GBP7: variants seen among roughly 807,000 people sequenced by gnomAD.
The protein encoded by GBP7 is guanylate-binding protein 7.
A neutral mutation model predicts 61.3 loss-of-function variants in GBP7; 43 were observed. That is an observed-to-expected ratio of 0.70 (90% CI 0.55 to 0.91). The LOEUF is 0.91. Ranked by LOEUF, GBP7 falls within the 40% of genes least tolerant of loss-of-function variation. The probability of loss-of-function intolerance (pLI) is 0.00; values close to 1 mark genes in which losing one functional copy is unlikely to be tolerated. For missense variants in GBP7, 717 were observed against 740.5 expected (o/e 0.97, Z 0.37); for synonymous variants, 267 against 271.0 (o/e 0.99, Z 0.14).
rs530178959 is a variant in GBP7 at position 89,141,205 on chromosome 1, G to GA, written c.1468+340dup. ...CCCTCTGGACCTAAAATAAAAGTTG[G>GA]AAAGAAAAAAAAAAAAAGAAAGTAA... On this transcript the variant is annotated intron_variant, in intron 9 of 10. Transcript: ENST00000294671. Among the ~76,000 whole-genome samples the GA allele has an allele frequency of 5.2e-3, 680 of 130,612 alleles. 7 individuals are homozygous for GA. The highest frequency in any genetic ancestry group is 0.035 in the South Asian group (146 of 4,126). The allele number at this position is 130,612 out of a possible 152,430, so 85.7% of individuals were successfully genotyped here.
intron 3 of GBP7, among the ~76,000 whole-genome samples, chr1:89,160,233 G>A (rs922050229): frequency 2.0e-5 from 3 of 152,104 alleles, no homozygotes; most frequent in South Asian, 2.1e-4. Context: ...AGTGTGGAGG[G>A]ATAGCATTAG....
intron 3 of GBP7, among the ~76,000 whole-genome samples, chr1:89,156,094 A>G (rs996390975): frequency 6.6e-6 from 1 of 152,208 alleles, no homozygotes; most frequent in African/African-American, 2.4e-5. Context: ...TTTCATATCC[A>G]GCCAAACTAA....
In GBP7 at chr1:89,154,690, G is replaced by C. The variant is rs1251150106; in HGVS notation, c.319-1913C>G. ...TTTTTAACTTTAAATTTAAGTTCAGGCTTACCCCCAAACTAAATAAAATAA... is the reference window on the plus strand; with the variant it reads ...TTTTTAACTTTAAATTTAAGTTCAGCCTTACCCCCAAACTAAATAAAATAA... On this transcript the variant is annotated intron_variant, in intron 3 of 10. Transcript: ENST00000294671. Among the ~76,000 whole-genome samples, 5 of 149,034 alleles carry C rather than the reference G, an allele frequency of 3.4e-5. No individual in the cohort carries two copies. The South Asian group carries it at 8.5e-4, about 25-fold the overall frequency.
intron 10 of GBP7, 77 bp downstream of exon 10, chr1:89,133,181 G>T: frequency 3.9e-6 from 4 of 1,029,278 alleles, no homozygotes; most frequent in Non-Finnish European, 4.4e-6. Flanking sequence ...TCTTGACTGA[G>T]CTTAAAATTT....
intron 5 of GBP7, among the ~76,000 whole-genome samples, chr1:89,151,681 T>C (rs1682203190): frequency 6.6e-6 from 1 of 152,116 alleles, no homozygotes; most frequent in Non-Finnish European, 1.5e-5. Flanking sequence ...ATGAAGTAGG[T>C]GATGTTATGA....
Position 89,152,415 on chromosome 1 carries a change from G to A in GBP7, c.478C>T (p.Pro160Ser), listed in dbSNP as rs756373704. 8 of 1,614,146 alleles carry A rather than the reference G, an allele frequency of 5.0e-6. No individual in the cohort carries two copies. The highest frequency in any genetic ancestry group is 1.7e-5 in the Admixed American group (1 of 60,030). Residue 160 changes from proline to serine, a missense_variant, in exon 5 of 11, where the codon CCT (proline) becomes TCT (serine). Transcript: ENST00000294671. ...TCGCTGGAGTCCTCAACTTCATCAGGTCTGGGGCACGATTTTGCCCTGATT... is the reference window on the plus strand; with the variant it reads ...TCGCTGGAGTCCTCAACTTCATCAGATCTGGGGCACGATTTTGCCCTGATT... ...ELIRAKSCPR[P>S]DEVEDSSEFV...
intron 9 of GBP7, among the ~76,000 whole-genome samples, chr1:89,135,638 A>G (rs1308797124): frequency 6.6e-6 from 1 of 152,212 alleles, no homozygotes; most frequent in African/African-American, 2.4e-5. Flanking sequence ...TAGACAAGCA[A>G]ATGCTAAGGG....
chr1:89,138,500 A>G (rs370045465), intron 9 of GBP7, among the ~76,000 whole-genome samples: 1 of 152,152 alleles, frequency 6.6e-6, no homozygotes, highest in East Asian at 1.9e-4. Context: ...CAAATGGAAA[A>G]GTTTAAAGAA....
intron 3 of GBP7, among the ~76,000 whole-genome samples, chr1:89,159,701 G>T (rs908665471): frequency 6.6e-6 from 1 of 152,152 alleles, no homozygotes; most frequent in Non-Finnish European, 1.5e-5. Flanking sequence ...TCATTAAAAA[G>T]TCAGGAAACA....
chr1:89,163,627 A>AT (rs1647337694), intron 3 of GBP7, among the ~76,000 whole-genome samples: 1 of 151,692 alleles, frequency 6.6e-6, no homozygotes, highest in Non-Finnish European at 1.5e-5. Flanking sequence ...GACTAATCCT[A>AT]TTTTCAATTT....
At chr1:89,133,859 G>A (rs1039137018) in intron 9 of GBP7, among the ~76,000 whole-genome samples, 1 of 152,194 alleles carries the variant, frequency 6.6e-6, no homozygotes, top group African/African-American at 2.4e-5. Flanking sequence ...GGTAGGGACA[G>A]GACTCTGGCC....
chr1:89,146,747 A>G (rs1213656603), intron 8 of GBP7, among the ~76,000 whole-genome samples: 1 of 152,206 alleles, frequency 6.6e-6, no homozygotes, highest in Non-Finnish European at 1.5e-5. Context: ...ATGAGATATC[A>G]CCTCACACAG....
chr1:89,168,950 C>G (rs1647520859), intron 2 of GBP7, among the ~76,000 whole-genome samples: 1 of 148,890 alleles, frequency 6.7e-6, no homozygotes, highest in Non-Finnish European at 1.5e-5. Context: ...GCCTGGGCAA[C>G]AAGAGCGAAA....
In GBP7 at chr1:89,152,780, AGTGTT is replaced by A; in HGVS notation, c.319-8_319-4del. 1 of 1,382,212 alleles carries A rather than the reference AGTGTT, an allele frequency of 7.2e-7. No individual in the cohort carries two copies. The highest frequency in any genetic ancestry group is 2.2e-5 in the Admixed American group (1 of 46,002). The allele number at this position is 1,382,212 out of a possible 1,614,324, so 85.6% of individuals were successfully genotyped here. A position where few individuals can be genotyped will look rare whatever the true frequency, so the allele number is the denominator to read the frequency against. ...CACGAGTCACTCTTAGGGTCACTCT[AGTGTT>A]AAAGAAAAAAAAAAAAAAAATGGAA... On this transcript the variant is annotated splice_polypyrimidine_tract_variant and splice_region_variant and intron_variant, in intron 3 of 10. Transcript: ENST00000294671.
In GBP7 at chr1:89,160,304, T is replaced by C. The variant is rs146567633; in HGVS notation, c.318+4427A>G. ...GCAGCACACCAACATGGCACGTGTG[T>C]ACATATGTAACAAAGCTGCACATTG... On this transcript the variant is annotated intron_variant, in intron 3 of 10. Transcript: ENST00000294671. 6.8e-4 allele frequency among the ~76,000 whole-genome samples: 103 copies of C among 152,278 alleles called. 1 individual carries two copies. The highest frequency in any genetic ancestry group is 1.4e-3 in the Non-Finnish European group (92 of 68,000).
intron 2 of GBP7, among the ~76,000 whole-genome samples, chr1:89,167,038 G>A (rs1423229510): frequency 6.6e-6 from 1 of 152,138 alleles, no homozygotes; most frequent in Non-Finnish European, 1.5e-5. Flanking sequence ...CCTGAATTTG[G>A]TATGCATATG....
At chr1:89,169,333 G>A (rs577302138) in intron 2 of GBP7, among the ~76,000 whole-genome samples, 2 of 152,146 alleles carry the variant, frequency 1.3e-5, no homozygotes, top group South Asian at 4.1e-4. Context: ...AAGTGTCAAC[G>A]AAGCAAACTT....
chr1:89,158,443 T>C (rs965651391), intron 3 of GBP7, among the ~76,000 whole-genome samples: 2 of 152,212 alleles, frequency 1.3e-5, no homozygotes, highest in African/African-American at 4.8e-5. Flanking sequence ...GATGACATGA[T>C]TGTATATCTA....
chr1:89,138,546 T>G (rs1026970356), intron 9 of GBP7, among the ~76,000 whole-genome samples: 7 of 152,154 alleles, frequency 4.6e-5, no homozygotes, highest in African/African-American at 1.4e-4. Context: ...AACTATCTGA[T>G]CTTTGGTAAA....
Sources: gnomAD v4.1 joint callset for allele counts (sites outside exome capture counted in the v4.1 genomes callset) on GRCh38, gnomAD v4.1.1 for gene constraint, MANE v1.5 for transcripts, NCBI Gene and HGNC (gene_info 2026-07-23, HGNC 2026-07-21) for gene names.